Variants in SPATA6 observed in about 807,000 individuals in gnomAD.
The protein encoded by SPATA6 is spermatogenesis associated 6.
In SPATA6, 56 loss-of-function variants were observed where a neutral mutation model predicts 65.3. That is an observed-to-expected ratio of 0.86 (90% confidence interval 0.69 to 1.07). The LOEUF is 1.07. Ranked by LOEUF, SPATA6 falls within the 50% of genes least tolerant of loss-of-function variation. The pLI, the probability that SPATA6 is intolerant of heterozygous loss-of-function variation, is 0.00. For missense variants in SPATA6, 590 were observed against 594.8 expected (o/e 0.99, Z 0.08); for synonymous variants, 199 against 213.2 (o/e 0.93, Z 0.58).
intron 11 of SPATA6, among the ~76,000 whole-genome samples, chr1:48,335,337 C>CAA (rs111941315): frequency 3.9e-4 from 56 of 142,822 alleles, no homozygotes; most frequent in South Asian, 8.9e-4. Flanking sequence ...CAATCCTAGG[C>CAA]AAAAAAAAAA....
intron 9 of SPATA6, among the ~76,000 whole-genome samples, chr1:48,364,505 G>C (rs1439883439): frequency 6.6e-6 from 1 of 152,238 alleles, no homozygotes; most frequent in Admixed American, 6.5e-5. Flanking sequence ...TAACTGGTGT[G>C]AGATGGTATC....
the SPATA6 span, among the ~76,000 whole-genome samples, chr1:48,269,137 G>A: frequency 6.6e-6 from 1 of 152,014 alleles, no homozygotes; most frequent in African/African-American, 2.4e-5. Flanking sequence ...CAGTAATTTG[G>A]TCCTATGTCT....
At chr1:48,320,391 G>C (rs1313745670) in intron 11 of SPATA6, among the ~76,000 whole-genome samples, 1 of 152,114 alleles carries the variant, frequency 6.6e-6, no homozygotes, top group Admixed American at 6.6e-5. Context: ...ACACACAAAT[G>C]AACTCCAAAA....
At chr1:48,450,439 G>C (rs1656460331) in intron 3 of SPATA6, among the ~76,000 whole-genome samples, 1 of 151,600 alleles carries the variant, frequency 6.6e-6, no homozygotes, top group African/African-American at 2.4e-5. Flanking sequence ...CAAATCAAAT[G>C]GGACAAAAAA....
At chr1:48,469,552 G>A (rs1236076960) in intron 1 of SPATA6, among the ~76,000 whole-genome samples, 1 of 151,534 alleles carries the variant, frequency 6.6e-6, no homozygotes, top group African/African-American at 2.4e-5. Context: ...CAAAACCAGT[G>A]AAAATGGTTA....
chr1:48,464,769 G>A (rs1248691219), intron 1 of SPATA6, among the ~76,000 whole-genome samples: 1 of 152,162 alleles, frequency 6.6e-6, no homozygotes, highest in African/African-American at 2.4e-5. Context: ...AACAGGGGTA[G>A]GTGAAGTGGC....
At chr1:48,374,585 C>T (rs1034122645) in intron 9 of SPATA6, among the ~76,000 whole-genome samples, 12 of 152,128 alleles carry the variant, frequency 7.9e-5, no homozygotes, top group Non-Finnish European at 2.9e-5. Context: ...TCAAGACCTT[C>T]CCATAAATCA....
At chr1:48,263,702 C>T in the SPATA6 span, among the ~76,000 whole-genome samples, 1 of 152,222 alleles carries the variant, frequency 6.6e-6, no homozygotes, top group African/African-American at 2.4e-5. Flanking sequence ...TCATACTACT[C>T]ATTGACTCCT....
intron 9 of SPATA6, among the ~76,000 whole-genome samples, chr1:48,367,525 GA>G (rs1327607189): frequency 3.3e-5 from 5 of 152,180 alleles, no homozygotes; most frequent in African/African-American, 4.8e-5. Flanking sequence ...TCTTCTTGTT[GA>G]ATTGATCCCT....
chr1:48,438,310 C>A (rs1340962294), intron 3 of SPATA6, among the ~76,000 whole-genome samples: 1 of 152,126 alleles, frequency 6.6e-6, no homozygotes, highest in Admixed American at 6.6e-5. Flanking sequence ...ACCATCGGAC[C>A]CCTTTTGCTT....
chr1:48,390,151 T>C (rs868070407), intron 8 of SPATA6, among the ~76,000 whole-genome samples: 2 of 152,104 alleles, frequency 1.3e-5, no homozygotes, highest in African/African-American at 4.8e-5. Flanking sequence ...CGCCAAAACA[T>C]GGAATCAACC....
intron 11 of SPATA6, among the ~76,000 whole-genome samples, chr1:48,321,254 CAAT>C (rs1044883993): frequency 1.3e-5 from 2 of 152,014 alleles, no homozygotes; most frequent in South Asian, 2.1e-4. Context: ...ACAACAACAA[CAAT>C]AATCAACAAT....
At position 48,399,467 on chromosome 1, in the gene SPATA6, T is replaced by C. The variant is rs1350043728; in HGVS notation, c.664A>G (p.Thr222Ala). ...GATAGCTCACACATGCGTCTTTTTG[T>C]GTAGGGAGATGGAGAGTGTGATTTT... ...SSKSHSPSPYTKRRMCELSED... is the reference protein window; with the variant it reads ...SSKSHSPSPYAKRRMCELSED... Residue 222 changes from threonine (T) to alanine (A), a missense_variant, in exon 7 of 13, where the codon ACA becomes GCA. Transcript: ENST00000371847. 6.2e-7 allele frequency: 1 copy of C among 1,613,334 alleles called. No homozygotes were observed.
intron 11 of SPATA6, among the ~76,000 whole-genome samples, chr1:48,306,913 T>C (rs368213556): frequency 4.6e-5 from 7 of 152,028 alleles, no homozygotes; most frequent in African/African-American, 7.2e-5. Context: ...TGCTTTTTTT[T>C]CCCTTAACTT....
At chr1:48,276,360 TC>T in the SPATA6 span, among the ~76,000 whole-genome samples, 1 of 152,162 alleles carries the variant, frequency 6.6e-6, no homozygotes, top group East Asian at 1.9e-4. Context: ...TGATCTTATT[TC>T]TTATCTTCTG....
At chr1:48,290,727 A>C (rs542562286), downstream of SPATA6, among the ~76,000 whole-genome samples, 7 of 152,308 alleles carry the variant, frequency 4.6e-5, no homozygotes, top group Admixed American at 1.3e-4. Context: ...CTTTAAACCA[A>C]CAAAGATCAG....
intron 3 of SPATA6, among the ~76,000 whole-genome samples, chr1:48,444,302 A>C: frequency 6.6e-6 from 1 of 152,060 alleles, no homozygotes; most frequent in Non-Finnish European, 1.5e-5. Context: ...AGGATTGTGA[A>C]TGCACCAATC....
chr1:48,420,758 T>C lies in SPATA6; in HGVS notation c.239-7607A>G, dbSNP rs149450644. Reference sequence around the variant, plus strand: ...AGTAATAGACGCTTATTAAGAATCTTCTACATGTTAGCTTTGATGTGACAT... The same window carrying C: ...AGTAATAGACGCTTATTAAGAATCTCCTACATGTTAGCTTTGATGTGACAT... On this transcript the variant is annotated intron_variant, in intron 3 of 12. Coordinates refer to ENST00000371847, the MANE Select transcript of SPATA6 (RefSeq NM_019073.4). Among the ~76,000 whole-genome samples the C allele has an allele frequency of 2.7e-3, 417 of 152,276 alleles. 1 individual carries two copies. Among genetic ancestry groups the C allele is most frequent in the Non-Finnish European group, 3.4e-3 (234 of 68,030 alleles).
rs548233938 is a variant in SPATA6 at position 48,395,381 on chromosome 1, AAG to A, written c.781-29_781-28del. 2.2e-4 allele frequency: 328 copies of A among 1,493,546 alleles called. 1 individual carries two copies. The African/African-American group carries it at 4.4e-3, about 20-fold the overall frequency. The allele number at this position is 1,493,546 out of a possible 1,614,324, so 92.5% of individuals were successfully genotyped here. A position where few individuals can be genotyped will look rare whatever the true frequency, so the allele number is the denominator to read the frequency against. ...TAGAGGAAGCAGGATTTTTATGTAA[AAG>A]AGAGTTTAAACATTCCTAGACTTTC... On this transcript the variant is annotated intron_variant, in intron 7 of 12. Coordinates refer to ENST00000371847, the MANE Select transcript of SPATA6 (RefSeq NM_019073.4).
Sources: gnomAD v4.1 joint callset for allele counts (sites outside exome capture counted in the v4.1 genomes callset) on GRCh38, gnomAD v4.1.1 for gene constraint, MANE v1.5 for transcripts, NCBI Gene and HGNC (gene_info 2026-07-23, HGNC 2026-07-21) for gene names.